Variants in OPCML observed in about 807,000 individuals in gnomAD.
OPCML encodes opioid-binding protein/cell adhesion molecule.
A neutral mutation model predicts 37.8 loss-of-function variants in OPCML; 13 were observed. The ratio of observed to expected loss-of-function variants is 0.34; its 90% CI spans 0.22 to 0.55. The LOEUF is 0.55. Ranked by LOEUF, OPCML falls within the 20% of genes least tolerant of loss-of-function variation. The pLI is 0.91. For missense variants in OPCML, 341 were observed against 435.6 expected (o/e 0.78, Z 1.93); for synonymous variants, 176 against 168.8 (o/e 1.04, Z -0.33).
intron 2 of OPCML, among the ~76,000 whole-genome samples, chr11:132,769,295 T>C (rs1371770911): frequency 6.6e-6 from 1 of 150,716 alleles, no homozygotes; most frequent in Non-Finnish European, 1.5e-5. Context: ...TGGAGTGCAG[T>C]GGTGCGATCT....
chr11:133,124,291 T>A (rs1487473957), intron 1 of OPCML, among the ~76,000 whole-genome samples: 1 of 152,064 alleles, frequency 6.6e-6, no homozygotes, highest in African/African-American at 2.4e-5. Flanking sequence ...AGCCCTAGGG[T>A]TCCCCCATTT....
rs139861493 is a variant in OPCML at position 133,456,124 on chromosome 11, T to C, written c.61+76140A>G. On this transcript the variant is annotated intron_variant, in intron 1 of 7. Coordinates refer to ENST00000524381, the MANE Select transcript of OPCML (RefSeq NM_001012393.5). ...GTGGCAGGTACTGTGGTGTGTAAAATGTTAAGGGGGACTATAGACCCATAG... is the reference window on the plus strand; with the variant it reads ...GTGGCAGGTACTGTGGTGTGTAAAACGTTAAGGGGGACTATAGACCCATAG... Among the ~76,000 whole-genome samples the C allele has an allele frequency of 5.5e-3, 830 of 152,236 alleles. 5 individuals carry two copies. Among genetic ancestry groups the C allele is most frequent in the Non-Finnish European group, 8.7e-3 (592 of 68,018 alleles).
At chr11:133,097,067 G>A (rs1457414670) in intron 1 of OPCML, among the ~76,000 whole-genome samples, 1 of 152,148 alleles carries the variant, frequency 6.6e-6, no homozygotes, top group Non-Finnish European at 1.5e-5. Flanking sequence ...GAAATCTATA[G>A]ACTACTTTAT....
intron 2 of OPCML, among the ~76,000 whole-genome samples, chr11:132,740,786 C>G (rs757883951): frequency 1.3e-5 from 2 of 152,098 alleles, no homozygotes; most frequent in African/African-American, 4.8e-5. Flanking sequence ...ACAACATTTC[C>G]TGGGAAGTTG....
chr11:132,999,588 G>A (rs1946957298), intron 1 of OPCML, among the ~76,000 whole-genome samples: 1 of 150,976 alleles, frequency 6.6e-6, no homozygotes, highest in Non-Finnish European at 1.5e-5. Flanking sequence ...AATGCCACCG[G>A]TAATGAACAA....
chr11:133,145,644 C>A (rs1213928193), intron 1 of OPCML, among the ~76,000 whole-genome samples: 2 of 152,190 alleles, frequency 1.3e-5, no homozygotes, highest in Non-Finnish European at 2.9e-5. Context: ...AGCAAGGTAA[C>A]CCTTACGGCA....
chr11:132,415,532 G>A lies in OPCML; in HGVS notation c.*4661C>T, dbSNP rs978154032. 2 of 152,176 alleles carry A rather than the reference G, an allele frequency of 1.3e-5. No homozygotes were observed. Among genetic ancestry groups the A allele is most frequent in the African/African-American group, 2.4e-5 (1 of 41,438 alleles). The allele number at this position is 152,176 out of a possible 1,614,324, so 9.4% of individuals were successfully genotyped here. On this transcript the variant is annotated 3_prime_UTR_variant, in exon 8 of 8. Transcript: ENST00000524381. The stretch of plus-strand genomic sequence containing the variant: ...AATCTGCCAAATAACATAGAATGTA[G>A]CCTCAAAAGGATGGTCGAGGGTTCG...
At chr11:133,066,927 C>T (rs938184040) in intron 1 of OPCML, 10 of 152,228 alleles carry the variant, frequency 6.6e-5, no homozygotes, top group East Asian at 1.9e-4. Flanking sequence ...GATTCACCCG[C>T]CTCAGCCTCC....
At chr11:132,623,543 T>G (rs927970662) in intron 3 of OPCML, among the ~76,000 whole-genome samples, 11 of 152,196 alleles carry the variant, frequency 7.2e-5, no homozygotes, top group African/African-American at 2.4e-4. Context: ...TACTGACAGG[T>G]GGTTACACAG....
chr11:133,012,198 A>G (rs942145684), intron 1 of OPCML, among the ~76,000 whole-genome samples: 2 of 152,180 alleles, frequency 1.3e-5, no homozygotes, highest in African/African-American at 4.8e-5. Context: ...GAAGATAAAC[A>G]TCCCATAATA....
intron 3 of OPCML, among the ~76,000 whole-genome samples, chr11:132,539,851 GTGGTGAAGATAGTGA>G (rs1010374003): frequency 1.3e-5 from 2 of 151,936 alleles, no homozygotes; most frequent in African/African-American, 4.8e-5. Flanking sequence ...GGTAATAAGG[GTGGTGAAGATAGTGA>G]TGGTGATCAT....
chr11:133,169,136 A>T (rs1004520882), intron 1 of OPCML, among the ~76,000 whole-genome samples: 1 of 152,208 alleles, frequency 6.6e-6, no homozygotes, highest in Non-Finnish European at 1.5e-5. Flanking sequence ...CTCAAAAAAT[A>T]AATACATAAA....
Position 133,140,531 on chromosome 11 carries a change from T to TAATAATAATAATAATAAGAAG in OPCML, c.62-197522_62-197521insCTTCTTATTATTATTATTATT, listed in dbSNP as rs1272061685. Among the ~76,000 whole-genome samples the TAATAATAATAATAATAAGAAG allele has an allele frequency of 4.2e-3, 370 of 88,072 alleles. 1 individual carries two copies. The highest frequency in any genetic ancestry group is 5.8e-3 in the South Asian group (11 of 1,912). The allele number at this position is 88,072 out of a possible 152,430, so 57.8% of individuals were successfully genotyped here. On this transcript the variant is annotated intron_variant, in intron 1 of 7. Coordinates refer to ENST00000524381, the MANE Select transcript of OPCML (RefSeq NM_001012393.5). ...TGTCTCAAAATAATAATAATAATAATAAGAAGAAGAAGAAGAAGAAGAAGA... is the reference window on the plus strand; with the variant it reads ...TGTCTCAAAATAATAATAATAATAATAATAATAATAATAATAAGAAGAAGAAGAAGAAGAAGAAGAAGAAGA...
chr11:132,446,103 C>CTTTTTTTTTTTTTTT (rs58784534), intron 4 of OPCML, among the ~76,000 whole-genome samples: 3 of 48,516 alleles, frequency 6.2e-5, no homozygotes, highest in African/African-American at 1.8e-4. Flanking sequence ...CTGCTTGTGT[C>CTTTTTTTTTTTTTTT]TTTTTTTTTT....
intron 2 of OPCML, among the ~76,000 whole-genome samples, chr11:132,670,618 C>T (rs1565762395): frequency 6.6e-6 from 1 of 152,106 alleles, no homozygotes; most frequent in Non-Finnish European, 1.5e-5. Flanking sequence ...GTTCCAGTCA[C>T]AGGTCTATAA....
chr11:132,972,494 A>C (rs1003847777), intron 1 of OPCML, among the ~76,000 whole-genome samples: 1 of 152,206 alleles, frequency 6.6e-6, no homozygotes, highest in South Asian at 2.1e-4. Flanking sequence ...TCAGGATGGA[A>C]AGCCCCATTA....
At chr11:133,507,715 C>T (rs1037609268) in intron 1 of OPCML, among the ~76,000 whole-genome samples, 16 of 152,130 alleles carry the variant, frequency 1.1e-4, no homozygotes, top group East Asian at 1.9e-4. Flanking sequence ...GAGGCCGAGG[C>T]GGGCGGACCA....
At chr11:133,117,955 C>T in intron 1 of OPCML, 2 of 984,860 alleles carry the variant, frequency 2.0e-6, no homozygotes, top group Non-Finnish European at 2.4e-6. Context: ...GTCCAAGTTC[C>T]CCCATCCTTG....
At chr11:132,819,108 TA>T (rs1266056374) in intron 2 of OPCML, among the ~76,000 whole-genome samples, 1 of 151,804 alleles carries the variant, frequency 6.6e-6, no homozygotes, top group Non-Finnish European at 1.5e-5. Context: ...TTCACACATC[TA>T]GTATTTTTTA....
Sources: gnomAD v4.1 joint callset for allele counts (sites outside exome capture counted in the v4.1 genomes callset) on GRCh38, gnomAD v4.1.1 for gene constraint, MANE v1.5 for transcripts, NCBI Gene and HGNC (gene_info 2026-07-23, HGNC 2026-07-21) for gene names.